The following KLRG1 variants were observed in gnomAD, a reference collection of about 807,000 sequenced individuals.
KLRG1 encodes the protein killer cell lectin-like receptor subfamily G member 1.
Under a neutral mutation model 21.8 loss-of-function variants are expected in KLRG1, and 16 were observed. That is an observed-to-expected ratio of 0.73 (90% CI 0.50 to 1.11). KLRG1 has a LOEUF of 1.11. Among genes scored for constraint, KLRG1 ranks in the 50% most tolerant of loss-of-function variants. KLRG1 has a pLI of 0.00. For missense variants in KLRG1, 173 were observed against 218.3 expected (o/e 0.79, Z 1.31); for synonymous variants, 69 against 75.9 (o/e 0.91, Z 0.47).
chr12:9,079,504 C>G, the KLRG1 span: 1 of 1,078,298 alleles, frequency 9.3e-7, no homozygotes, highest in Non-Finnish European at 1.3e-6. Flanking sequence ...GGATAGTTTC[C>G]TTGAAATTAA....
At chr12:8,973,009 C>T (rs1008181408) in intron 1 of KLRG1, among the ~76,000 whole-genome samples, 5 of 151,552 alleles carry the variant, frequency 3.3e-5, no homozygotes, top group Non-Finnish European at 5.9e-5. Context: ...GGCATGGTGG[C>T]GCACACCTGT....
At chr12:9,145,920 C>G in the KLRG1 span, among the ~76,000 whole-genome samples, 4 of 152,292 alleles carry the variant, frequency 2.6e-5, no homozygotes, top group African/African-American at 9.6e-5. Context: ...TCTTATCAGG[C>G]ATCTTGTCTA....
intron 1 of KLRG1, among the ~76,000 whole-genome samples, chr12:8,971,697 G>A (rs1036375422): frequency 6.6e-6 from 1 of 151,954 alleles, no homozygotes; most frequent in African/African-American, 2.4e-5. Context: ...CACCATGTTG[G>A]CCAGGCTGGT....
the KLRG1 span, chr12:9,079,226 A>C: frequency 5.6e-6 from 9 of 1,607,912 alleles, no homozygotes; most frequent in Non-Finnish European, 6.8e-6. Flanking sequence ...GAAGCTCAAA[A>C]AATTGTTCTT....
chr12:9,153,002 A>T, the KLRG1 span: 1 of 1,612,728 alleles, frequency 6.2e-7, no homozygotes, highest in Non-Finnish European at 8.5e-7. Context: ...TGGACCCCTC[A>T]CTTCCTCATT....
At chr12:9,164,044 G>A in the KLRG1 span, 3 of 1,452,576 alleles carry the variant, frequency 2.1e-6, no homozygotes, top group Non-Finnish European at 9.4e-7. Flanking sequence ...TATATCTATG[G>A]CAAATAAAAG....
At chr12:8,958,772 G>A (rs1421976087) in intron 1 of KLRG1, among the ~76,000 whole-genome samples, 2 of 151,360 alleles carry the variant, frequency 1.3e-5, no homozygotes, top group African/African-American at 4.9e-5. Context: ...TGGGAGGATC[G>A]CTTGAGCCCA....
At chr12:9,101,190 G>C in the KLRG1 span, 1 of 1,560,062 alleles carries the variant, frequency 6.4e-7, no homozygotes, top group Admixed American at 1.9e-5. Context: ...TTCGGACAAT[G>C]CCTCCCTTTG....
the KLRG1 span, among the ~76,000 whole-genome samples, chr12:9,134,826 C>T: frequency 6.6e-6 from 1 of 152,204 alleles, no homozygotes; most frequent in Non-Finnish European, 1.5e-5. Flanking sequence ...GGGGTGGAGG[C>T]AGCTGGGGAG....
At chr12:8,997,440 T>C (rs1207759694) in intron 3 of KLRG1, among the ~76,000 whole-genome samples, 1 of 152,202 alleles carries the variant, frequency 6.6e-6, no homozygotes, top group East Asian at 1.9e-4. Flanking sequence ...CATACTATTT[T>C]GAGGTATGTA....
chr12:9,138,055 T>C, the KLRG1 span, among the ~76,000 whole-genome samples: 4 of 152,038 alleles, frequency 2.6e-5, no homozygotes, highest in Non-Finnish European at 4.4e-5. Flanking sequence ...TGGTTCTATA[T>C]TGAATAAAAG....
rs758534020 is a variant in KLRG1, at chr12:9,008,541, TTCTC to T, written c.358-427_358-424del. On this transcript the variant is annotated intron_variant, in intron 3 of 4. Coordinates refer to ENST00000356986, the MANE Select transcript of KLRG1 (RefSeq NM_005810.4). ...ACTGGATCGCTTGAACAACAGATGT[TTCTC>T]TCTCTCAGTTCTGAAGGCTGGAAAA... Among the ~76,000 whole-genome samples, 5 of 152,312 alleles carry T rather than the reference TTCTC, an allele frequency of 3.3e-5. 1 individual carries two copies. Among genetic ancestry groups the T allele is most frequent in the African/African-American group, 1.2e-4 (5 of 41,554 alleles).
At chr12:9,170,561 G>A in the KLRG1 span, among the ~76,000 whole-genome samples, 1 of 152,144 alleles carries the variant, frequency 6.6e-6, no homozygotes, top group East Asian at 1.9e-4. The surrounding 1 kb of genome is among the most constrained non-coding windows in gnomAD (Gnocchi z 4.6). Flanking sequence ...GCCAGCCGAC[G>A]GCAGTGGGTT....
chr12:8,990,413 A>G (rs1431827635), intron 1 of KLRG1: 29 of 152,160 alleles, frequency 1.9e-4, no homozygotes, highest in Non-Finnish European at 1.5e-5. Flanking sequence ...CACAAGGTGT[A>G]TTCTTTAGGG....
the KLRG1 span, chr12:9,169,544 A>G: frequency 3.7e-6 from 6 of 1,613,166 alleles, no homozygotes; most frequent in South Asian, 1.1e-5. Context: ...GCTGGTCCAC[A>G]TTGTCAGGAA....
the KLRG1 span, among the ~76,000 whole-genome samples, chr12:9,210,384 A>G: frequency 1.3e-5 from 2 of 152,162 alleles, no homozygotes; most frequent in Non-Finnish European, 2.9e-5. Flanking sequence ...TCTATCAGGA[A>G]CATCTCCTTG....
At chr12:9,086,283 T>C in the KLRG1 span, among the ~76,000 whole-genome samples, 1 of 152,214 alleles carries the variant, frequency 6.6e-6, no homozygotes, top group Non-Finnish European at 1.5e-5. Context: ...GGCATACACC[T>C]GTGGGTGGCT....
chr12:9,003,756 G>A (rs1371975242), intron 3 of KLRG1, among the ~76,000 whole-genome samples: 1 of 151,532 alleles, frequency 6.6e-6, no homozygotes, highest in African/African-American at 2.4e-5. Flanking sequence ...ACAATGTGCA[G>A]GTTAGTTACA....
chr12:9,028,770 A>G, the KLRG1 span: 1 of 586,012 alleles, frequency 1.7e-6, no homozygotes, highest in Non-Finnish European at 3.3e-6. Flanking sequence ...CCATCAACAA[A>G]CATATTTTTC....
Sources: gnomAD v4.1 joint callset for allele counts (sites outside exome capture counted in the v4.1 genomes callset) on GRCh38, gnomAD v4.1.1 for gene constraint, Gnocchi (gnomAD v3.1) non-coding constraint, MANE v1.5 for transcripts, NCBI Gene and HGNC (gene_info 2026-07-23, HGNC 2026-07-21) for gene names.